LMNA: variants seen among roughly 807,000 people sequenced by gnomAD.
The protein encoded by LMNA is lamin.
A neutral mutation model predicts 70.4 loss-of-function variants in LMNA; 20 were observed. That is an observed-to-expected ratio of 0.28 (90% confidence interval 0.20 to 0.41). The LOEUF is 0.41. Among genes scored for constraint, LMNA ranks in the 10% least tolerant of loss-of-function variants. The pLI, the probability that LMNA is intolerant of heterozygous loss-of-function variation, is 1.00. For synonymous variants in LMNA, 339 were observed against 372.8 expected, an observed-to-expected ratio of 0.91 and a Z score of 1.04; for missense variants, 652 against 917.2, an observed-to-expected ratio of 0.71 and a Z score of 3.73.
rs374581019 is a variant in LMNA at position 156,137,088 on chromosome 1, G to A, written c.1489-25G>A. ...CTTGGGTGGCGATGGGAGCGCTGGG[G>A]TAAGTGTCCTTTTCTCCTCTCCAGA... is the stretch of plus-strand genomic sequence containing the variant. On this transcript the variant is annotated intron_variant, in intron 8 of 11. Coordinates refer to ENST00000368300, the MANE Select transcript of LMNA (RefSeq NM_170707.4). The surrounding 1 kb of genome is among the most constrained non-coding windows in gnomAD (Gnocchi z 4.6). 5.0e-6 allele frequency: 8 copies of A among 1,613,954 alleles called. No individual in the cohort carries two copies. In the African/African-American group the frequency reaches 1.1e-4, roughly 22 times the overall value.
At chr1:156,127,406 C>G (rs778236415) in intron 1 of LMNA, among the ~76,000 whole-genome samples, 1 of 151,760 alleles carries the variant, frequency 6.6e-6, no homozygotes, top group Middle Eastern at 3.4e-3. Flanking sequence ...CCTCTCTGCT[C>G]GTGGTTTTTC....
In LMNA at chr1:156,136,724, T is replaced by C; in HGVS notation, c.1381-197T>C. On this transcript the variant is annotated intron_variant, in intron 7 of 11. Coordinates refer to ENST00000368300, the MANE Select transcript of LMNA (RefSeq NM_170707.4). This position sits in a 1 kb window ranked among gnomAD's most constrained non-coding sequence, Gnocchi z 6.1. ...GTTGTCAGGAAGATGAAAGATAAGG[T>C]ATCCGTGTGCCTGGTGCTGCGTATG... 1.5e-6 allele frequency: 1 copy of C among 686,176 alleles called. No homozygotes were observed. Among genetic ancestry groups the C allele is most frequent in the East Asian group, 2.7e-5 (1 of 37,018 alleles). The allele number at this position is 686,176 out of a possible 1,614,324, so 42.5% of individuals were successfully genotyped here.
In LMNA at chr1:156,103,120, C is replaced by T. The variant is rs181610730; in HGVS notation, c.-206-11593C>T. Among the ~76,000 whole-genome samples, 18 of 152,310 alleles carry T rather than the reference C, an allele frequency of 1.2e-4. No individual in the cohort carries two copies. The highest frequency in any genetic ancestry group is 3.4e-4 in the African/African-American group (14 of 41,564). On this transcript the variant is annotated intron_variant, in intron 3 of 12. Transcript: ENST00000368301. The surrounding 1 kb of genome is among the most constrained non-coding windows in gnomAD (Gnocchi z 4.7). The stretch of plus-strand genomic sequence containing the variant: ...GCTGCAGCTGAGCTGGGGACTTTGT[C>T]CCTGCAGCTGCTCTGGCCAACCCTC...
chr1:156,122,440 ATGT>A (rs1415606239), intron 1 of LMNA, among the ~76,000 whole-genome samples: 6 of 152,256 alleles, frequency 3.9e-5, no homozygotes, highest in Admixed American at 6.5e-5. Context: ...TTAATAGCTA[ATGT>A]TGTTCTCAAT....
At position 156,134,374 on chromosome 1, in the gene LMNA, T is replaced by C. The variant is rs1651334609; in HGVS notation, c.514-29T>C. On this transcript the variant is annotated intron_variant, in intron 2 of 11. Transcript: ENST00000368300. This position sits in a 1 kb window ranked among gnomAD's most constrained non-coding sequence, Gnocchi z 5.3. The stretch of plus-strand genomic sequence containing the variant: ...CCAGTTCTTGTGTTCTGTGACCCCT[T>C]TTCCTCATCTCTGCCTGCTTCCTCA... The C allele has an allele frequency of 1.2e-6, 2 of 1,613,382 alleles. No individual in the cohort carries two copies. The highest frequency in any genetic ancestry group is 1.7e-6 in the Non-Finnish European group (2 of 1,179,738).
intron 1 of LMNA, chr1:156,126,891 C>T: frequency 6.2e-7 from 1 of 1,609,788 alleles, no homozygotes; most frequent in Non-Finnish European, 8.5e-7. Flanking sequence ...TGGGGCAGGA[C>T]ACGGGCGAAG....
chr1:156,095,564 G>A (rs1244573027), intron 3 of LMNA, among the ~76,000 whole-genome samples: 1 of 147,938 alleles, frequency 6.8e-6, no homozygotes, highest in Non-Finnish European at 1.5e-5. Context: ...ACCAGGTTGG[G>A]CAGGCTGGTC....
At chr1:156,097,752 C>T (rs1648992119) in intron 3 of LMNA, among the ~76,000 whole-genome samples, 2 of 152,200 alleles carry the variant, frequency 1.3e-5, no homozygotes, top group South Asian at 4.1e-4. Flanking sequence ...CTATGCGAGC[C>T]CAACACTGAT....
rs113311348 is a variant in LMNA, at chr1:156,124,735, G to C, written c.357-5882G>C. Among the ~76,000 whole-genome samples, 670 of 152,246 alleles carry C rather than the reference G, an allele frequency of 4.4e-3. 7 individuals carry two copies. The highest frequency in any genetic ancestry group is 0.015 in the African/African-American group (641 of 41,536). ...AAGCAGTGGTTACTTTGCCGGGTTG[G>C]GGGGGAGGTAGGGGCTATCAAACCT... On this transcript the variant is annotated intron_variant, in intron 1 of 11. Coordinates refer to ENST00000368300, the MANE Select transcript of LMNA (RefSeq NM_170707.4).
intron 2 of LMNA, among the ~76,000 whole-genome samples, chr1:156,132,341 C>G (rs2993266): frequency 0.11 from 16,373 of 151,524 alleles, 1,660 homozygotes; most frequent in African/African-American, 0.27. Context: ...ATGGTGGCAG[C>G]CACCTGTAAT....
chr1:156,084,327 TCG>T (rs1491369245), intron 2 of LMNA, among the ~76,000 whole-genome samples: 1 of 5,770 alleles, frequency 1.7e-4, no homozygotes, highest in Non-Finnish European at 3.1e-4. Context: ...TCTCAGAAGG[TCG>T]GGGGGTGGTG....
In LMNA at chr1:156,138,382, C is replaced by A; in HGVS notation, c.1699-106C>A. 7.5e-7 allele frequency: 1 copy of A among 1,336,444 alleles called. No individual in the cohort carries two copies. The highest frequency in any genetic ancestry group is 1.0e-6 in the Non-Finnish European group (1 of 970,658). The allele number at this position is 1,336,444 out of a possible 1,614,324, so 82.8% of individuals were successfully genotyped here. A position where few individuals can be genotyped will look rare whatever the true frequency, so the allele number is the denominator to read the frequency against. ...CTGGCTCCTTGGGCACAGAACCACA[C>A]CTTCCTGCCTGGCGGCTGGGAGCCT... On this transcript the variant is annotated intron_variant, in intron 10 of 11. Coordinates refer to ENST00000368300, the MANE Select transcript of LMNA (RefSeq NM_170707.4). The surrounding 1 kb of genome is among the most constrained non-coding windows in gnomAD (Gnocchi z 5.5).
intron 2 of LMNA, among the ~76,000 whole-genome samples, chr1:156,085,226 T>C (rs901308896): frequency 6.6e-6 from 1 of 152,106 alleles, no homozygotes; most frequent in Non-Finnish European, 1.5e-5. Flanking sequence ...TGTAGGAGAG[T>C]GCCCAGGTGC....
intron 1 of LMNA, among the ~76,000 whole-genome samples, chr1:156,124,622 G>A (rs906343569): frequency 2.0e-5 from 3 of 152,118 alleles, no homozygotes; most frequent in Non-Finnish European, 2.9e-5. Context: ...TTCCAGAGAG[G>A]GATAGCACCT....
intron 3 of LMNA, among the ~76,000 whole-genome samples, chr1:156,097,823 A>C (rs1050571847): frequency 2.0e-5 from 3 of 152,082 alleles, no homozygotes; most frequent in Non-Finnish European, 2.9e-5. Context: ...CAGCCAGCCT[A>C]CCTCTCACTC....
chr1:156,114,778 A>G lies in LMNA; in HGVS notation c.-141A>G. On this transcript the variant is annotated 5_prime_UTR_variant, in exon 1 of 12. Coordinates refer to ENST00000368300, the MANE Select transcript of LMNA (RefSeq NM_170707.4). The stretch of plus-strand genomic sequence containing the variant: ...CCCGAGGTCCGACAGCGCCCGGCCC[A>G]GATCCCCACGCCTGCCAGGAGCAAG... 1.6e-6 allele frequency: 1 copy of G among 636,340 alleles called. No individual in the cohort carries two copies. Among genetic ancestry groups the G allele is most frequent in the Non-Finnish European group, 2.6e-6 (1 of 379,580 alleles). 39.4% of individuals were successfully genotyped at this position (636,340 alleles called of 1,614,324 possible).
chr1:156,092,977 C>A (rs1295786922), intron 3 of LMNA, among the ~76,000 whole-genome samples: 3 of 151,360 alleles, frequency 2.0e-5, no homozygotes, highest in Non-Finnish European at 4.4e-5. Flanking sequence ...CAACTTCCGC[C>A]TCCTGGGTTC....
upstream of LMNA, among the ~76,000 whole-genome samples, chr1:156,111,134 A>G (rs1036312525): frequency 2.6e-5 from 4 of 151,850 alleles, no homozygotes; most frequent in African/African-American, 9.7e-5. Flanking sequence ...CCCCCCACCC[A>G]ATCAAGGTCA....
intron 3 of LMNA, among the ~76,000 whole-genome samples, chr1:156,094,444 T>C (rs1431807216): frequency 6.6e-6 from 1 of 152,020 alleles, no homozygotes; most frequent in Non-Finnish European, 1.5e-5. Context: ...GTTCAAGTGA[T>C]TCTTCTGCCT....
Sources: gnomAD v4.1 joint callset for allele counts (sites outside exome capture counted in the v4.1 genomes callset) on GRCh38, gnomAD v4.1.1 for gene constraint, Gnocchi (gnomAD v3.1) non-coding constraint, MANE v1.5 for transcripts, NCBI Gene and HGNC (gene_info 2026-07-23, HGNC 2026-07-21) for gene names.